Variants in PCGF5 observed in about 807,000 individuals in gnomAD.
PCGF5 encodes polycomb group RING finger protein 5.
Under a neutral mutation model 44.3 loss-of-function variants are expected in PCGF5, and 9 were observed. The observed-to-expected ratio is 0.20, with a 90% CI of 0.12 to 0.35. PCGF5 has a LOEUF of 0.35. PCGF5 is among the 10% of genes least tolerant of loss of function. The pLI is 1.00. For synonymous variants in PCGF5, 95 were observed against 102.5 expected, an observed-to-expected ratio of 0.93 and a Z score of 0.44; for missense variants, 146 against 305.3, an observed-to-expected ratio of 0.48 and a Z score of 3.89.
upstream of PCGF5, chr10:91,162,867 CCGCCGCCGCCAG>C (rs943931931): frequency 4.0e-5 from 6 of 148,842 alleles, no homozygotes; most frequent in Admixed American, 6.8e-5. Flanking sequence ...CGCCCCGCGC[CCGCCGCCGCCAG>C]CGCCGCCGCC....
At chr10:91,265,306 T>A (rs1009889520) in intron 8 of PCGF5, among the ~76,000 whole-genome samples, 5 of 152,168 alleles carry the variant, frequency 3.3e-5, no homozygotes, top group Non-Finnish European at 5.9e-5. Context: ...AGGACTCATA[T>A]ATGACACTAA....
intron 2 of PCGF5, 52 bp downstream of exon 2, chr10:91,223,035 G>A (rs551782675): frequency 5.3e-5 from 65 of 1,217,854 alleles, no homozygotes; most frequent in East Asian, 3.8e-4. Context: ...TGTACATTTT[G>A]TTCTTTTAAA....
In PCGF5 at chr10:91,280,440, A is replaced by G. The variant is rs532023872; in HGVS notation, c.*2124A>G. On this transcript the variant is annotated 3_prime_UTR_variant, in exon 10 of 10. Transcript: ENST00000336126. ...GTCATATGTAATTTCACTATTTTCC[A>G]AGGAAATATATAGGAAGCAATTATG... 1 of 152,472 alleles carries G rather than the reference A, an allele frequency of 6.6e-6. No homozygotes were observed. 9.4% of individuals were successfully genotyped at this position (152,472 alleles called of 1,614,324 possible).
upstream of PCGF5, among the ~76,000 whole-genome samples, chr10:91,158,116 CAATT>C (rs1338486286): frequency 3.3e-5 from 5 of 152,246 alleles, no homozygotes; most frequent in Middle Eastern, 3.4e-3. Flanking sequence ...AGGCTGTTGA[CAATT>C]AACCTAAGAA....
intron 1 of PCGF5, among the ~76,000 whole-genome samples, chr10:91,182,944 C>G (rs1290010556): frequency 6.6e-6 from 1 of 152,126 alleles, no homozygotes; most frequent in Non-Finnish European, 1.5e-5. Context: ...ATTTCTTAGT[C>G]TTGAGTTCTA....
intron 8 of PCGF5, among the ~76,000 whole-genome samples, chr10:91,266,876 C>T (rs1039809298): frequency 4.6e-5 from 7 of 152,142 alleles, no homozygotes; most frequent in African/African-American, 9.7e-5. Flanking sequence ...ACTACTAGTC[C>T]AACCCACCAT....
At chr10:91,236,985 C>T (rs1175337938) in intron 2 of PCGF5, among the ~76,000 whole-genome samples, 1 of 152,050 alleles carries the variant, frequency 6.6e-6, no homozygotes, top group Admixed American at 6.5e-5. Context: ...TTCTATATAT[C>T]GTAGATCTAT....
At chr10:91,182,286 G>A (rs1350149692) in intron 1 of PCGF5, among the ~76,000 whole-genome samples, 6 of 151,788 alleles carry the variant, frequency 4.0e-5, no homozygotes, top group Admixed American at 2.6e-4. Flanking sequence ...TTCAGTCTTC[G>A]GAGGGTGTAT....
intron 6 of PCGF5, among the ~76,000 whole-genome samples, chr10:91,260,902 A>G (rs976050726): frequency 2.6e-5 from 4 of 152,010 alleles, no homozygotes; most frequent in African/African-American, 9.7e-5. Flanking sequence ...TGGCACATGT[A>G]TACATATGTA....
intron 1 of PCGF5, among the ~76,000 whole-genome samples, chr10:91,199,622 CA>C (rs1220150082): frequency 6.6e-6 from 1 of 152,154 alleles, no homozygotes; most frequent in Non-Finnish European, 1.5e-5. Flanking sequence ...GCCACGGCTC[CA>C]AAATATGATG....
intron 3 of PCGF5, among the ~76,000 whole-genome samples, chr10:91,245,251 A>C (rs1294806381): frequency 6.6e-6 from 1 of 152,162 alleles, no homozygotes; most frequent in Non-Finnish European, 1.5e-5. Context: ...GGAGTGATCC[A>C]CCTGTGTCAT....
rs1476451601 is a variant in PCGF5, at chr10:91,280,757, C to G, written c.*2441C>G. 6.6e-6 allele frequency: 1 copy of G among 152,076 alleles called. No homozygotes were observed. The highest frequency in any genetic ancestry group is 1.9e-4 in the East Asian group (1 of 5,196). 9.4% of individuals were successfully genotyped at this position (152,076 alleles called of 1,614,324 possible). A position where few individuals can be genotyped will look rare whatever the true frequency, so the allele number is the denominator to read the frequency against. On this transcript the variant is annotated 3_prime_UTR_variant, in exon 10 of 10. Coordinates refer to ENST00000336126, the MANE Select transcript of PCGF5 (RefSeq NM_032373.5). ...TACACTGTATTCCCCGTTAATTATC[C>G]CTTAAGTCAGATTGTAGAATTTGCA... is the stretch of plus-strand genomic sequence containing the variant.
chr10:91,261,778 A>G (rs1457646538), intron 7 of PCGF5, among the ~76,000 whole-genome samples: 4 of 152,236 alleles, frequency 2.6e-5, no homozygotes, highest in Admixed American at 1.3e-4. Context: ...ATTATTACCA[A>G]TTCTTTATAG....
At chr10:91,221,320 T>C (rs1844672825) in intron 1 of PCGF5, among the ~76,000 whole-genome samples, 2 of 152,144 alleles carry the variant, frequency 1.3e-5, no homozygotes, top group African/African-American at 4.8e-5. Flanking sequence ...GAGGACTTTC[T>C]CTTACTTTGG....
chr10:91,240,021 C>G (rs2133344751), intron 2 of PCGF5, among the ~76,000 whole-genome samples: 1 of 152,276 alleles, frequency 6.6e-6, no homozygotes, highest in East Asian at 1.9e-4. Context: ...CAGTTTGTCC[C>G]TGGAGCACCC....
chr10:91,186,321 T>G (rs542656913), intron 1 of PCGF5, among the ~76,000 whole-genome samples: 2 of 152,210 alleles, frequency 1.3e-5, no homozygotes, highest in East Asian at 3.9e-4. Context: ...TCACCAGCAG[T>G]TTTCATAGCT....
chr10:91,231,966 T>C (rs1845018058), intron 2 of PCGF5, among the ~76,000 whole-genome samples: 1 of 152,134 alleles, frequency 6.6e-6, no homozygotes, highest in Non-Finnish European at 1.5e-5. Context: ...GAGATGTCCA[T>C]TTGGGAGTTG....
intron 2 of PCGF5, among the ~76,000 whole-genome samples, chr10:91,233,588 T>C (rs1845070859): frequency 6.6e-6 from 1 of 152,150 alleles, no homozygotes; most frequent in South Asian, 2.1e-4. Context: ...TAGTTCATTA[T>C]ACAAATAAAA....
chr10:91,264,711 G>A (rs1458781816), intron 8 of PCGF5, among the ~76,000 whole-genome samples, 191 bp downstream of exon 8: 1 of 152,146 alleles, frequency 6.6e-6, no homozygotes, highest in African/African-American at 2.4e-5. Flanking sequence ...TGTGGTAAAT[G>A]TGATTGTATT....
Sources: allele counts gnomAD v4.1 joint callset (sites outside exome capture counted in the v4.1 genomes callset), GRCh38; gene constraint gnomAD v4.1.1; transcripts MANE v1.5; gene names NCBI Gene and HGNC (gene_info 2026-07-23, HGNC 2026-07-21).